GABRG3: variants seen among roughly 807,000 people sequenced by gnomAD.
GABRG3 encodes gamma-aminobutyric acid type A receptor subunit gamma3, also known as gamma-aminobutyric acid receptor subunit gamma-3.
In GABRG3, 25 loss-of-function variants were observed where a neutral mutation model predicts 48.8. That is an observed-to-expected ratio of 0.51 (90% CI 0.37 to 0.72). GABRG3 has a LOEUF of 0.72. Ranked by LOEUF, GABRG3 falls within the 30% of genes least tolerant of loss-of-function variation. The probability of loss-of-function intolerance (pLI) is 0.00; values close to 1 mark genes in which losing one functional copy is unlikely to be tolerated. For missense variants in GABRG3, 394 were observed against 577.9 expected, an observed-to-expected ratio of 0.68 and a Z score of 3.26; for synonymous variants, 227 against 217.6, an observed-to-expected ratio of 1.04 and a Z score of -0.38.
At chr15:27,168,206 G>C (rs973291190) in intron 3 of GABRG3, among the ~76,000 whole-genome samples, 2 of 152,006 alleles carry the variant, frequency 1.3e-5, no homozygotes, top group Non-Finnish European at 2.9e-5. Flanking sequence ...TTGATGTCAT[G>C]GGGGAGCAGC....
At chr15:27,013,667 A>G (rs1288249675) in intron 2 of GABRG3, among the ~76,000 whole-genome samples, 1 of 152,020 alleles carries the variant, frequency 6.6e-6, no homozygotes, top group African/African-American at 2.4e-5. Flanking sequence ...GTTGAAATTC[A>G]TTTGGCTACT....
chr15:27,311,839 C>T (rs1474491038), intron 3 of GABRG3, among the ~76,000 whole-genome samples: 1 of 151,964 alleles, frequency 6.6e-6, no homozygotes, highest in Admixed American at 6.6e-5. Context: ...TCTGCTTGGG[C>T]TGATTATAAG....
intron 3 of GABRG3, among the ~76,000 whole-genome samples, chr15:27,123,354 G>A (rs544366655): frequency 1.6e-4 from 25 of 152,240 alleles, no homozygotes; most frequent in African/African-American, 5.8e-4. Flanking sequence ...CCTTTGGGAG[G>A]TGATTAGGTC....
At chr15:27,323,002 C>T (rs1470472482) in intron 3 of GABRG3, among the ~76,000 whole-genome samples, 1 of 152,116 alleles carries the variant, frequency 6.6e-6, no homozygotes, top group Admixed American at 6.6e-5. Flanking sequence ...TTCCATCCAG[C>T]TCTGTGTTCT....
intron 3 of GABRG3, among the ~76,000 whole-genome samples, chr15:27,082,759 C>T (rs892780284): frequency 2.6e-5 from 4 of 152,124 alleles, no homozygotes; most frequent in Non-Finnish European, 5.9e-5. Flanking sequence ...TTTTAAAGTC[C>T]GCTGCAATGA....
chr15:27,190,405 C>G (rs1888253175), intron 3 of GABRG3, among the ~76,000 whole-genome samples: 1 of 152,140 alleles, frequency 6.6e-6, no homozygotes, highest in African/African-American at 2.4e-5. Flanking sequence ...AATTTCAGCT[C>G]CTGTTATTGG....
chr15:27,101,411 A>G (rs1397007600), intron 3 of GABRG3, among the ~76,000 whole-genome samples: 2 of 152,234 alleles, frequency 1.3e-5, no homozygotes, highest in Non-Finnish European at 2.9e-5. Flanking sequence ...GTTTAATGCA[A>G]TTCCTACCAA....
intron 3 of GABRG3, among the ~76,000 whole-genome samples, chr15:27,036,003 G>A (rs1328445638): frequency 1.3e-5 from 2 of 152,198 alleles, no homozygotes; most frequent in East Asian, 3.9e-4. Context: ...AACAGCATTT[G>A]CTAATCCAAT....
In GABRG3 at chr15:27,210,166, C is replaced by T. The variant is rs540524241; in HGVS notation, c.271-116643C>T. 7.2e-5 allele frequency among the ~76,000 whole-genome samples: 11 copies of T among 152,244 alleles called. No homozygotes were observed. The South Asian group carries it at 2.3e-3, about 32-fold the overall frequency. ...AGGAGGTGGCCTTCCTTTGAAGGGA[C>T]CTCCAAGGGTCGGGTGAATGTGGAC... On this transcript the variant is annotated intron_variant, in intron 3 of 9. Transcript: ENST00000615808.
intron 3 of GABRG3, among the ~76,000 whole-genome samples, chr15:27,308,198 GTTT>G (rs1892773704): frequency 2.3e-5 from 1 of 43,512 alleles, no homozygotes; most frequent in Non-Finnish European, 5.3e-5. Context: ...ATATAAACAT[GTTT>G]ATATATCCAA....
intron 6 of GABRG3, among the ~76,000 whole-genome samples, chr15:27,514,477 C>G (rs777622796): frequency 6.6e-6 from 1 of 152,176 alleles, no homozygotes. Context: ...TCATGAAAGG[C>G]TCAGTCTTTC....
intron 3 of GABRG3, among the ~76,000 whole-genome samples, chr15:27,158,951 T>G (rs529599543): frequency 6.6e-6 from 1 of 152,268 alleles, no homozygotes; most frequent in East Asian, 1.9e-4. Flanking sequence ...TGCCCACCTG[T>G]TTCCACCAAA....
chr15:27,462,372 A>G (rs1433622901), intron 5 of GABRG3, among the ~76,000 whole-genome samples: 1 of 152,194 alleles, frequency 6.6e-6, no homozygotes. Flanking sequence ...AGCAAAACCA[A>G]TAAATAACCG....
chr15:27,470,245 T>TC (rs148557532), intron 5 of GABRG3, among the ~76,000 whole-genome samples: 5 of 134,260 alleles, frequency 3.7e-5, no homozygotes, highest in South Asian at 2.7e-4. Context: ...TTTCTCTCTC[T>TC]TTTTTTTTTT....
At chr15:27,080,560 C>A (rs902023248) in intron 3 of GABRG3, among the ~76,000 whole-genome samples, 2 of 152,152 alleles carry the variant, frequency 1.3e-5, no homozygotes, top group African/African-American at 2.4e-5. Context: ...GGAAGGATCA[C>A]TTGAGGCTGG....
intron 3 of GABRG3, among the ~76,000 whole-genome samples, chr15:27,145,665 T>TATCTATCTATCTATCATCTATC (rs57021410): frequency 7.2e-6 from 1 of 138,356 alleles, no homozygotes; most frequent in Non-Finnish European, 1.5e-5. Context: ...ATCTATCTAT[T>TATCTATCTATCTATCATCTATC]GTGCCAGAAG....
rs891719962 is a variant in GABRG3, at chr15:27,236,427, G to A, written c.271-90382G>A. On this transcript the variant is annotated intron_variant, in intron 3 of 9. Coordinates refer to ENST00000615808, the MANE Select transcript of GABRG3 (RefSeq NM_033223.5). The surrounding 1 kb of genome is among the most constrained non-coding windows in gnomAD (Gnocchi z 4.4). Reference sequence around the variant, plus strand: ...AGAAACTGAGTTCCCGGCCATGACAGGACAGGAGGTAGGACACGCCTCAGT... The same window carrying A: ...AGAAACTGAGTTCCCGGCCATGACAAGACAGGAGGTAGGACACGCCTCAGT... Among the ~76,000 whole-genome samples, 2 of 152,212 alleles carry A rather than the reference G, an allele frequency of 1.3e-5. No individual in the cohort carries two copies. The highest frequency in any genetic ancestry group is 2.9e-5 in the Non-Finnish European group (2 of 68,032).
chr15:27,027,994 G>A (rs28644382), intron 3 of GABRG3, among the ~76,000 whole-genome samples: 2,241 of 152,286 alleles, frequency 0.015, 58 homozygotes, highest in African/African-American at 0.051. Flanking sequence ...CTGGATATAT[G>A]GTTACAGAAT....
Position 27,180,433 on chromosome 15 carries a change from A to G in GABRG3, c.271-146376A>G, listed in dbSNP as rs1016831652. On this transcript the variant is annotated intron_variant, in intron 3 of 9. Coordinates refer to ENST00000615808, the MANE Select transcript of GABRG3 (RefSeq NM_033223.5). This position sits in a 1 kb window ranked among gnomAD's most constrained non-coding sequence, Gnocchi z 4.2. ...CATCCTGAGGTCACGTTGTGCATCC[A>G]TTGTCACACTCGGGACTCTCTGCCT... 3.3e-5 allele frequency among the ~76,000 whole-genome samples: 5 copies of G among 152,172 alleles called. No individual in the cohort carries two copies. The highest frequency in any genetic ancestry group is 1.9e-4 in the East Asian group (1 of 5,154).
Sources: allele counts gnomAD v4.1 joint callset (sites outside exome capture counted in the v4.1 genomes callset), GRCh38; gene constraint gnomAD v4.1.1; non-coding constraint Gnocchi (gnomAD v3.1); transcripts MANE v1.5; gene names NCBI Gene and HGNC (gene_info 2026-07-23, HGNC 2026-07-21).